The following CXCL17 variants were observed in gnomAD, a reference collection of about 807,000 sequenced individuals.
CXCL17 encodes C-X-C motif chemokine ligand 17, also known as C-X-C motif chemokine 17.
CXCL17 carries 9 observed loss-of-function variants against 15.5 expected under a neutral mutation model. The ratio of observed to expected loss-of-function variants is 0.58; its 90% CI spans 0.35 to 1.01. The LOEUF (loss-of-function observed/expected upper bound fraction) is 1.01. Among genes scored for constraint, CXCL17 ranks in the 50% least tolerant of loss-of-function variants. The probability of loss-of-function intolerance (pLI) is 0.02; values close to 1 mark genes in which losing one functional copy is unlikely to be tolerated. For synonymous variants in CXCL17, 52 were observed against 52.3 expected (o/e 0.99, Z 0.02); for missense variants, 133 against 138.2 (o/e 0.96, Z 0.19).
chr19:42,431,398 A>G (rs2040779524), intron 3 of CXCL17, among the ~76,000 whole-genome samples: 1 of 152,148 alleles, frequency 6.6e-6, no homozygotes. Flanking sequence ...TATTCTTTTG[A>G]TGATCAAAAT....
At chr19:42,438,141 G>A (rs570798663) in intron 1 of CXCL17, among the ~76,000 whole-genome samples, 2 of 151,234 alleles carry the variant, frequency 1.3e-5, no homozygotes, top group African/African-American at 4.9e-5. Flanking sequence ...GGCGGATCAC[G>A]AGGTCAGGAG....
chr19:42,431,673 CATTATT>C (rs922381193), intron 3 of CXCL17, among the ~76,000 whole-genome samples: 2 of 149,340 alleles, frequency 1.3e-5, no homozygotes, highest in African/African-American at 4.9e-5. Flanking sequence ...TGATTTATCT[CATTATT>C]ATTATTATTA....
intron 1 of CXCL17, among the ~76,000 whole-genome samples, chr19:42,438,381 AATAT>A (rs1201763586): frequency 0.018 from 1,150 of 63,782 alleles, 45 homozygotes; most frequent in East Asian, 0.033. Context: ...AAAAAAAAAA[AATAT>A]ATATATATAT....
intron 1 of CXCL17, among the ~76,000 whole-genome samples, chr19:42,435,195 T>A (rs1600161280): frequency 1.3e-5 from 2 of 151,052 alleles, no homozygotes; most frequent in Non-Finnish European, 1.5e-5. Flanking sequence ...AAAAAAAAAA[T>A]TCCTAAGACA....
chr19:42,429,034 C>CTT, intron 3 of CXCL17, 53 bp from the exon 4 acceptor site: 122 of 1,225,798 alleles, frequency 1.0e-4, no homozygotes, highest in Middle Eastern at 4.9e-4. Context: ...TTTAACATTT[C>CTT]TTTTTTTTTT....
intron 1 of CXCL17, 121 bp downstream of exon 1, chr19:42,442,633 A>G: frequency 1.5e-6 from 1 of 673,298 alleles, no homozygotes; most frequent in Non-Finnish European, 2.6e-6. Context: ...GGAAACTGGC[A>G]TTGAGAAAGG....
intron 1 of CXCL17, among the ~76,000 whole-genome samples, chr19:42,440,237 C>A (rs1439178685): frequency 6.6e-6 from 1 of 151,832 alleles, no homozygotes; most frequent in Non-Finnish European, 1.5e-5. Context: ...AATGAATAAT[C>A]TGTTATTTTA....
intron 1 of CXCL17, among the ~76,000 whole-genome samples, chr19:42,442,235 T>G (rs913228369): frequency 1.6e-4 from 19 of 122,166 alleles, no homozygotes; most frequent in Non-Finnish European, 3.0e-4. Flanking sequence ...TTTCCTTTTT[T>G]TTTTTTTTTT....
Position 42,442,883 on chromosome 19 carries a change from C to G in CXCL17, c.-51G>C. The stretch of plus-strand genomic sequence containing the variant: ...TGCTTGAAGAATATAATGGAAGGTT[C>G]CCTGCTGGAGGCTCCTGATCCCTGG... On this transcript the variant is annotated 5_prime_UTR_variant, in exon 1 of 4. Transcript: ENST00000601181. The G allele has an allele frequency of 7.0e-7, 1 of 1,436,536 alleles. No individual in the cohort carries two copies. The highest frequency in any genetic ancestry group is 9.8e-7 in the Non-Finnish European group (1 of 1,025,246). The allele number at this position is 1,436,536 out of a possible 1,614,324, so 89.0% of individuals were successfully genotyped here. A position where few individuals can be genotyped will look rare whatever the true frequency, so the allele number is the denominator to read the frequency against.
At chr19:42,440,881 G>C (rs981858632) in intron 1 of CXCL17, among the ~76,000 whole-genome samples, 3 of 151,324 alleles carry the variant, frequency 2.0e-5, no homozygotes, top group Admixed American at 1.3e-4. Context: ...GCGATGTCTA[G>C]AGATATTTTT....
At chr19:42,437,900 C>T (rs1243356861) in intron 1 of CXCL17, among the ~76,000 whole-genome samples, 1 of 152,062 alleles carries the variant, frequency 6.6e-6, no homozygotes, top group African/African-American at 2.4e-5. Context: ...TAATATTCCT[C>T]CCTTATCCAC....
At chr19:42,431,742 T>G (rs946534356) in intron 3 of CXCL17, among the ~76,000 whole-genome samples, 7 of 152,080 alleles carry the variant, frequency 4.6e-5, no homozygotes, top group African/African-American at 1.7e-4. Flanking sequence ...GATCTTGCTA[T>G]GTTGCCCAGG....
In CXCL17 at chr19:42,438,381, AATATAT is replaced by A. The variant is rs1201763586; in HGVS notation, c.79+4367_79+4372del. On this transcript the variant is annotated intron_variant, in intron 1 of 3. Coordinates refer to ENST00000601181, the MANE Select transcript of CXCL17 (RefSeq NM_198477.3). ...AAAAAAAAAAAAAAAAAAAAAAAAA[AATATAT>A]ATATATATATATATATATAAAATAC... Among the ~76,000 whole-genome samples the A allele has an allele frequency of 1.8e-3, 116 of 63,834 alleles. 1 individual carries two copies. The highest frequency in any genetic ancestry group is 6.1e-3 in the African/African-American group (80 of 13,200). The allele number at this position is 63,834 out of a possible 152,430, so 41.9% of individuals were successfully genotyped here. A position where few individuals can be genotyped will look rare whatever the true frequency, so the allele number is the denominator to read the frequency against.
intron 1 of CXCL17, among the ~76,000 whole-genome samples, chr19:42,436,036 A>T (rs2040831196): frequency 6.6e-6 from 1 of 152,136 alleles, no homozygotes; most frequent in Non-Finnish European, 1.5e-5. Context: ...AGTCTGTGGT[A>T]TTGTGTTATG....
chr19:42,428,838 T>G lies in CXCL17; in HGVS notation c.*46A>C. On this transcript the variant is annotated 3_prime_UTR_variant, in exon 4 of 4. Transcript: ENST00000601181. ...GTGTCTGGTAGGTGTGCTCACTGTC[T>G]TCTTGGCTGAGAATGTTTAATTGGA... 6.9e-7 allele frequency: 1 copy of G among 1,455,646 alleles called. No individual in the cohort carries two copies. Among genetic ancestry groups the G allele is most frequent in the Non-Finnish European group, 9.7e-7 (1 of 1,035,922 alleles). The allele number at this position is 1,455,646 out of a possible 1,614,324, so 90.2% of individuals were successfully genotyped here.
intron 2 of CXCL17, among the ~76,000 whole-genome samples, 182 bp downstream of exon 2, chr19:42,433,594 A>T (rs1226635202): frequency 6.6e-6 from 1 of 152,302 alleles, no homozygotes; most frequent in East Asian, 1.9e-4. Flanking sequence ...GACCTTGGAG[A>T]AGTCCAGTTC....
In CXCL17 at chr19:42,433,050, TTTC is replaced by T; in HGVS notation, c.185_187del (p.Arg62del). The T allele has an allele frequency of 6.2e-7, 1 of 1,613,874 alleles. No individual in the cohort carries two copies. Among genetic ancestry groups the T allele is most frequent in the South Asian group, 1.1e-5 (1 of 91,022 alleles). On this transcript the variant is annotated inframe_deletion, in exon 3 of 4. Coordinates refer to ENST00000601181, the MANE Select transcript of CXCL17 (RefSeq NM_198477.3). ...TGGCAGCCCAGACACTGTCATGAAT[TTTC>T]TTCTCGGGGCTCTCAGGAACCAATC...
At chr19:42,432,060 C>T (rs985180529) in intron 3 of CXCL17, among the ~76,000 whole-genome samples, 6 of 151,724 alleles carry the variant, frequency 4.0e-5, no homozygotes, top group South Asian at 2.1e-4. Flanking sequence ...ATTTTACTTC[C>T]GTCAATAGTG....
At position 42,433,761 on chromosome 19, in the gene CXCL17, T is replaced by G; in HGVS notation, c.160+15A>C. On this transcript the variant is annotated intron_variant, in intron 2 of 3. Transcript: ENST00000601181. ...ATGGTGATGCCATCGCTGTTGTTGTTGCTGAATTACTGACCTTTGCACTCA... is the reference window on the plus strand; with the variant it reads ...ATGGTGATGCCATCGCTGTTGTTGTGGCTGAATTACTGACCTTTGCACTCA... 1.2e-6 allele frequency: 2 copies of G among 1,611,008 alleles called. No homozygotes were observed. Among genetic ancestry groups the G allele is most frequent in the Non-Finnish European group, 1.7e-6 (2 of 1,177,354 alleles).
Sources: allele counts gnomAD v4.1 joint callset (sites outside exome capture counted in the v4.1 genomes callset), GRCh38; gene constraint gnomAD v4.1.1; transcripts MANE v1.5; gene names NCBI Gene and HGNC (gene_info 2026-07-23, HGNC 2026-07-21).